Variants in HOXC8 observed in about 807,000 individuals in gnomAD.
HOXC8 encodes the protein homeobox protein Hox-C8.
Under a neutral mutation model 25.8 loss-of-function variants are expected in HOXC8, and 14 were observed. The observed-to-expected ratio is 0.54, with a 90% CI of 0.36 to 0.85. HOXC8 has a LOEUF of 0.85. Ranked by LOEUF, HOXC8 falls within the 40% of genes least tolerant of loss-of-function variation. The pLI is 0.01. For missense variants in HOXC8, 316 were observed against 308.8 expected (o/e 1.02, Z -0.17); for synonymous variants, 144 against 124.6 (o/e 1.16, Z -1.04).
chr12:54,009,794 G>A lies in HOXC8; in HGVS notation c.436+74G>A. Reference sequence around the variant, plus strand: ...TCCCCCCCTCCCTCGCCTCCTTTTTGTCTGCCCTCGCTTTTTCTCCTGGCT... The same window carrying A: ...TCCCCCCCTCCCTCGCCTCCTTTTTATCTGCCCTCGCTTTTTCTCCTGGCT... On this transcript the variant is annotated intron_variant, in intron 1 of 1. Transcript: ENST00000040584. The surrounding 1 kb of genome is among the most constrained non-coding windows in gnomAD (Gnocchi z 5.0). 7.6e-7 allele frequency: 1 copy of A among 1,324,304 alleles called. No homozygotes were observed. Among genetic ancestry groups the A allele is most frequent in the Non-Finnish European group, 1.1e-6 (1 of 936,216 alleles). The allele number at this position is 1,324,304 out of a possible 1,614,324, so 82.0% of individuals were successfully genotyped here. A position where few individuals can be genotyped will look rare whatever the true frequency, so the allele number is the denominator to read the frequency against.
At chr12:54,010,254 T>G (rs1454533095) in intron 1 of HOXC8, among the ~76,000 whole-genome samples, 1 of 152,102 alleles carries the variant, frequency 6.6e-6, no homozygotes, top group Non-Finnish European at 1.5e-5. Context: ...AGGGCACCCA[T>G]AACCTCCTCT....
rs1592213536 is a variant in HOXC8, at chr12:54,012,045, C to G, written c.*664C>G. The G allele has an allele frequency of 6.6e-6, 1 of 151,750 alleles. No homozygotes were observed. Among genetic ancestry groups the G allele is most frequent in the Non-Finnish European group, 1.5e-5 (1 of 67,886 alleles). 9.4% of individuals were successfully genotyped at this position (151,750 alleles called of 1,614,324 possible). A position where few individuals can be genotyped will look rare whatever the true frequency, so the allele number is the denominator to read the frequency against. On this transcript the variant is annotated 3_prime_UTR_variant, in exon 2 of 2. Coordinates refer to ENST00000040584, the MANE Select transcript of HOXC8 (RefSeq NM_022658.4). Reference sequence around the variant, plus strand: ...GAGATGTGGGTCTTTCCCCTCCCCCCATTTCCAGAAGGGTAGATAGGAGCC... The same window carrying G: ...GAGATGTGGGTCTTTCCCCTCCCCCGATTTCCAGAAGGGTAGATAGGAGCC...
rs1939994458 is a variant in HOXC8 at position 54,011,503 on chromosome 12, A to T, written c.*122A>T. 1.7e-6 allele frequency: 2 copies of T among 1,176,290 alleles called. No individual in the cohort carries two copies. Among genetic ancestry groups the T allele is most frequent in the African/African-American group, 1.6e-5 (1 of 63,012 alleles). The allele number at this position is 1,176,290 out of a possible 1,614,324, so 72.9% of individuals were successfully genotyped here. On this transcript the variant is annotated 3_prime_UTR_variant, in exon 2 of 2. Coordinates refer to ENST00000040584, the MANE Select transcript of HOXC8 (RefSeq NM_022658.4). ...TATAGAGAATAGAATGACACTCACA[A>T]CTCTAACTACCTGTCAGATACTTGC...
Position 54,009,369 on chromosome 12 carries a change from C to A in HOXC8, c.85C>A (p.Pro29Thr). 1.9e-6 allele frequency: 3 copies of A among 1,613,820 alleles called. No individual in the cohort carries two copies. The highest frequency in any genetic ancestry group is 1.7e-6 in the Non-Finnish European group (2 of 1,179,776). Residue 29 changes from proline to threonine, a missense_variant, in exon 1 of 2, where the codon CCT becomes ACT. Pro to Thr is a conservative substitution (Grantham distance 38). Coordinates refer to ENST00000040584, the MANE Select transcript of HOXC8 (RefSeq NM_022658.4). This position sits in a 1 kb window ranked among gnomAD's most constrained non-coding sequence, Gnocchi z 5.0. ...LEPAYYDCRF[P>T]QSVGRSHALV... is the part of the protein sequence containing the mutation. Reference sequence around the variant, plus strand: ...ACCGGCCTATTACGACTGCCGGTTCCCTCAGAGCGTGGGCAGGAGCCATGC... The same window carrying A: ...ACCGGCCTATTACGACTGCCGGTTCACTCAGAGCGTGGGCAGGAGCCATGC...
Position 54,009,705 on chromosome 12 carries a change from T to A in HOXC8, c.421T>A (p.Trp141Arg). 1 of 1,614,090 alleles carries A rather than the reference T, an allele frequency of 6.2e-7. No individual in the cohort carries two copies. The highest frequency in any genetic ancestry group is 1.3e-5 in the African/African-American group (1 of 75,032). The stretch of plus-strand genomic sequence containing the variant: ...CTCGTCTCCCAGCCTCATGTTTCCA[T>A]GGATGAGACCCCACGGTGAGAAGCC... Reference protein sequence around the residue: ...QNSSPSLMFPWMRPHAPGRRS... With the variant: ...QNSSPSLMFPRMRPHAPGRRS... Residue 141 changes from tryptophan to arginine, a missense_variant, in exon 1 of 2, where the codon TGG becomes AGG. Physicochemically the swap from Trp to Arg is moderately radical, Grantham distance 101 (BLOSUM62 -3). Coordinates refer to ENST00000040584, the MANE Select transcript of HOXC8 (RefSeq NM_022658.4). This position sits in a 1 kb window ranked among gnomAD's most constrained non-coding sequence, Gnocchi z 5.0.
rs1040696609 is a variant in HOXC8, at chr12:54,012,070, C to T, written c.*689C>T. On this transcript the variant is annotated 3_prime_UTR_variant, in exon 2 of 2. Transcript: ENST00000040584. ...CATTTCCAGAAGGGTAGATAGGAGCCTGCAGTCGCCTCTAAAATCCTACCT... is the reference window on the plus strand; with the variant it reads ...CATTTCCAGAAGGGTAGATAGGAGCTTGCAGTCGCCTCTAAAATCCTACCT... 2.8e-4 allele frequency: 43 copies of T among 152,130 alleles called. No homozygotes were observed. The highest frequency in any genetic ancestry group is 5.6e-4 in the Non-Finnish European group (38 of 67,960). The allele number at this position is 152,130 out of a possible 1,614,324, so 9.4% of individuals were successfully genotyped here.
rs1225467362 is a variant in HOXC8 at position 54,009,737 on chromosome 12, C to T, written c.436+17C>T. The stretch of plus-strand genomic sequence containing the variant: ...GACCCCACGGTGAGAAGCCTTTTCT[C>T]TTTCCCCCTTGGTCTCCCGCGCTCC... On this transcript the variant is annotated intron_variant, in intron 1 of 1. Transcript: ENST00000040584. The surrounding 1 kb of genome is among the most constrained non-coding windows in gnomAD (Gnocchi z 5.0). The T allele has an allele frequency of 6.2e-7, 1 of 1,607,254 alleles. No homozygotes were observed. Among genetic ancestry groups the T allele is most frequent in the Non-Finnish European group, 8.5e-7 (1 of 1,174,460 alleles).
At position 54,009,226 on chromosome 12, in the gene HOXC8, A is replaced by C; in HGVS notation, c.-59A>C. 7.3e-7 allele frequency: 1 copy of C among 1,373,770 alleles called. No homozygotes were observed. Among genetic ancestry groups the C allele is most frequent in the Non-Finnish European group, 1.0e-6 (1 of 998,468 alleles). 85.1% of individuals were successfully genotyped at this position (1,373,770 alleles called of 1,614,324 possible). On this transcript the variant is annotated 5_prime_UTR_variant, in exon 1 of 2. Transcript: ENST00000040584. This position sits in a 1 kb window ranked among gnomAD's most constrained non-coding sequence, Gnocchi z 5.0. ...CCGGGGGGAGGGGAGTTTCGGGGGT[A>C]CTGGGCGGGGTACTCGTGAGCCAGA... is the stretch of plus-strand genomic sequence containing the variant.
In HOXC8 at chr12:54,011,282, G is replaced by A. The variant is rs1355697769; in HGVS notation, c.630G>A (p.Lys210=). ...TGAAGTGGAAAAAGGAGAACAACAA[G>A]GATAAACTGCCGGGAGCCCGAGATG... ...RRMKWKKENN[K]DKLPGARDEE... is the part of the protein sequence containing the mutation. The change falls in exon 2 of 2, where the codon AAG becomes AAA. Residue 210 remains lysine, a synonymous_variant. Coordinates refer to ENST00000040584, the MANE Select transcript of HOXC8 (RefSeq NM_022658.4). The A allele has an allele frequency of 2.5e-6, 4 of 1,589,496 alleles. No homozygotes were observed. Among genetic ancestry groups the A allele is most frequent in the African/African-American group, 2.7e-5 (2 of 73,504 alleles).
chr12:54,011,357 G>C lies in HOXC8; in HGVS notation c.705G>C (p.Glu235Asp). ...ATGAGGAAGAGGAGAAAGAAGAGGA[G>C]GAAAAGGAAGAAAACAAGGACTAAG... ...EGNEEEEKEE[E>D]EKEENKD Residue 235 changes from glutamate to aspartate, a missense_variant, in exon 2 of 2, where the codon GAG (glutamate) becomes GAC (aspartate). Transcript: ENST00000040584. 1 of 1,439,116 alleles carries C rather than the reference G, an allele frequency of 6.9e-7. No individual in the cohort carries two copies. Among genetic ancestry groups the C allele is most frequent in the Non-Finnish European group, 9.1e-7 (1 of 1,099,606 alleles). The allele number at this position is 1,439,116 out of a possible 1,614,324, so 89.1% of individuals were successfully genotyped here.
chr12:54,011,561 A>C lies in HOXC8; in HGVS notation c.*180A>C. 5.5e-6 allele frequency: 4 copies of C among 731,800 alleles called. No individual in the cohort carries two copies. Among genetic ancestry groups the C allele is most frequent in the African/African-American group, 1.8e-5 (1 of 54,726 alleles). 45.3% of individuals were successfully genotyped at this position (731,800 alleles called of 1,614,324 possible). Reference sequence around the variant, plus strand: ...GTTTTATTACCTTTGGACTTCCCCCACTCTTTATTTGTTTGGGGGCTGGAG... The same window carrying C: ...GTTTTATTACCTTTGGACTTCCCCCCCTCTTTATTTGTTTGGGGGCTGGAG... On this transcript the variant is annotated 3_prime_UTR_variant, in exon 2 of 2. Coordinates refer to ENST00000040584, the MANE Select transcript of HOXC8 (RefSeq NM_022658.4).
In HOXC8 at chr12:54,011,618, A is replaced by G. The variant is rs1565730169; in HGVS notation, c.*237A>G. On this transcript the variant is annotated 3_prime_UTR_variant, in exon 2 of 2. Transcript: ENST00000040584. ...GACGGAGAAACAGTGAAAAGTTCGGACTCTCTGTCTCACTCCTTGCCCCAC... is the reference window on the plus strand; with the variant it reads ...GACGGAGAAACAGTGAAAAGTTCGGGCTCTCTGTCTCACTCCTTGCCCCAC... The G allele has an allele frequency of 2.8e-6, 1 of 356,960 alleles. No individual in the cohort carries two copies. The highest frequency in any genetic ancestry group is 5.0e-6 in the Non-Finnish European group (1 of 200,876). 22.1% of individuals were successfully genotyped at this position (356,960 alleles called of 1,614,324 possible).
In HOXC8 at chr12:54,009,443, G is replaced by A. The variant is rs746274717; in HGVS notation, c.159G>A (p.Ser53=). 1.9e-6 allele frequency: 3 copies of A among 1,614,082 alleles called. No individual in the cohort carries two copies. The highest frequency in any genetic ancestry group is 1.1e-5 in the South Asian group (1 of 91,080). ...GGSAPGFQHA[S]HHVQDFFHHG... is the part of the protein sequence containing the mutation. Reference sequence around the variant, plus strand: ...CGGCGCCCGGCTTCCAGCACGCTTCGCACCACGTTCAAGACTTCTTCCACC... The same window carrying A: ...CGGCGCCCGGCTTCCAGCACGCTTCACACCACGTTCAAGACTTCTTCCACC... The change falls in exon 1 of 2, where the codon TCG becomes TCA. Residue 53 remains serine (S), a synonymous_variant. Coordinates refer to ENST00000040584, the MANE Select transcript of HOXC8 (RefSeq NM_022658.4). The surrounding 1 kb of genome is among the most constrained non-coding windows in gnomAD (Gnocchi z 5.0).
In HOXC8 at chr12:54,009,895, G is replaced by A. The variant is rs1277576633; in HGVS notation, c.436+175G>A. Reference sequence around the variant, plus strand: ...GAAGTTGGGAAGGCTCCGCTGGGGCGGGGCAGGGAGGGGGTGCCTAGAACA... The same window carrying A: ...GAAGTTGGGAAGGCTCCGCTGGGGCAGGGCAGGGAGGGGGTGCCTAGAACA... On this transcript the variant is annotated intron_variant, in intron 1 of 1. Coordinates refer to ENST00000040584, the MANE Select transcript of HOXC8 (RefSeq NM_022658.4). The surrounding 1 kb of genome is among the most constrained non-coding windows in gnomAD (Gnocchi z 5.0). 6.6e-6 allele frequency among the ~76,000 whole-genome samples: 1 copy of A among 152,156 alleles called. No individual in the cohort carries two copies. The highest frequency in any genetic ancestry group is 1.5e-5 in the Non-Finnish European group (1 of 68,040).
Position 54,009,518 on chromosome 12 carries a change from G to T in HOXC8, c.234G>T (p.Ser78=), listed in dbSNP as rs369825482. ...SNSGYQQNPC[S]LSCHGDASKF... is the part of the protein sequence containing the mutation. Reference sequence around the variant, plus strand: ...CAGGCTACCAGCAGAACCCGTGCTCGCTTAGCTGCCACGGAGACGCCTCCA... The same window carrying T: ...CAGGCTACCAGCAGAACCCGTGCTCTCTTAGCTGCCACGGAGACGCCTCCA... The change falls in exon 1 of 2, where the codon TCG becomes TCT. Residue 78 remains serine, a synonymous_variant. Coordinates refer to ENST00000040584, the MANE Select transcript of HOXC8 (RefSeq NM_022658.4). The surrounding 1 kb of genome is among the most constrained non-coding windows in gnomAD (Gnocchi z 5.0). 1.2e-5 allele frequency: 20 copies of T among 1,614,196 alleles called. No homozygotes were observed. In the East Asian group the frequency reaches 4.0e-4, roughly 32 times the overall value.
At position 54,009,771 on chromosome 12, in the gene HOXC8, C is replaced by T. The variant is rs950201321; in HGVS notation, c.436+51C>T. 8 of 1,510,094 alleles carry T rather than the reference C, an allele frequency of 5.3e-6. No individual in the cohort carries two copies. Among genetic ancestry groups the T allele is most frequent in the Non-Finnish European group, 7.3e-6 (8 of 1,094,096 alleles). The allele number at this position is 1,510,094 out of a possible 1,614,324, so 93.5% of individuals were successfully genotyped here. A position where few individuals can be genotyped will look rare whatever the true frequency, so the allele number is the denominator to read the frequency against. ...TTGGTCTCCCGCGCTCCAGGGTTTC[C>T]CCCCCTCCCTCGCCTCCTTTTTGTC... On this transcript the variant is annotated intron_variant, in intron 1 of 1. Transcript: ENST00000040584. This position sits in a 1 kb window ranked among gnomAD's most constrained non-coding sequence, Gnocchi z 5.0.
intron 1 of HOXC8, among the ~76,000 whole-genome samples, chr12:54,010,699 T>C (rs1565729661): frequency 6.6e-6 from 1 of 152,242 alleles, no homozygotes; most frequent in Non-Finnish European, 1.5e-5. Context: ...CCCCTCTTCT[T>C]TACCCCCAGC....
At chr12:54,010,392 G>C (rs1298344970) in intron 1 of HOXC8, among the ~76,000 whole-genome samples, 1 of 152,210 alleles carries the variant, frequency 6.6e-6, no homozygotes, top group Non-Finnish European at 1.5e-5. Context: ...GAGATTAGGG[G>C]TTCCTGAGGT....
At chr12:54,010,792 G>T (rs1939974036) in intron 1 of HOXC8, among the ~76,000 whole-genome samples, 1 of 152,158 alleles carries the variant, frequency 6.6e-6, no homozygotes, top group Admixed American at 6.5e-5. Flanking sequence ...AAGCTGCAAA[G>T]GCCAGTTCCT....
Sources: gnomAD v4.1 joint callset for allele counts (sites outside exome capture counted in the v4.1 genomes callset) on GRCh38, gnomAD v4.1.1 for gene constraint, Gnocchi (gnomAD v3.1) non-coding constraint, MANE v1.5 for transcripts, NCBI Gene and HGNC (gene_info 2026-07-23, HGNC 2026-07-21) for gene names.